Variants in ZMIZ1 observed in about 807,000 individuals in gnomAD.
ZMIZ1 encodes the protein zinc finger MIZ domain-containing protein 1.
A neutral mutation model predicts 113.9 loss-of-function variants in ZMIZ1; 17 were observed. The observed-to-expected ratio is 0.15, with a 90% CI of 0.10 to 0.22. ZMIZ1 has a LOEUF of 0.22. ZMIZ1 is among the 10% of genes least tolerant of loss of function. ZMIZ1 has a pLI of 1.00. For missense variants in ZMIZ1, 1,059 were observed against 1,477.8 expected, an observed-to-expected ratio of 0.72 and a Z score of 4.65; for synonymous variants, 607 against 603.1, an observed-to-expected ratio of 1.01 and a Z score of -0.09.
chr10:79,311,243 C>T (rs1320371171), intron 24 of ZMIZ1, 59 bp downstream of exon 24: 11 of 1,335,714 alleles, frequency 8.2e-6, no homozygotes, highest in Middle Eastern at 2.6e-4. Flanking sequence ...GGGACCTGCC[C>T]GAGAGAAGGG....
Position 79,118,374 on chromosome 10 carries a change from A to T in ZMIZ1, c.-336-541A>T, listed in dbSNP as rs974220468. On this transcript the variant is annotated intron_variant, in intron 1 of 24. Coordinates refer to ENST00000334512, the MANE Select transcript of ZMIZ1 (RefSeq NM_020338.4). This position sits in a 1 kb window ranked among gnomAD's most constrained non-coding sequence, Gnocchi z 4.1. ...CAGAGAGAAACTAGACTTCACTCCC[A>T]ATGTCCAGGAGCTGGGCCTGGAGCG... is the stretch of plus-strand genomic sequence containing the variant. Among the ~76,000 whole-genome samples the T allele has an allele frequency of 6.6e-6, 1 of 152,274 alleles. No individual in the cohort carries two copies. The highest frequency in any genetic ancestry group is 1.9e-4 in the East Asian group (1 of 5,174).
rs148779073 is a variant in ZMIZ1, at chr10:79,222,185, G to GT, written c.280+5921dup. Among the ~76,000 whole-genome samples the GT allele has an allele frequency of 4.6e-3, 685 of 150,038 alleles. 3 individuals are homozygous for GT. Among genetic ancestry groups the GT allele is most frequent in the African/African-American group, 0.014 (577 of 40,984 alleles). ...GACACCTGAGATTGGACCACTCAAT[G>GT]TTTTTTTTTTATGCATACAAGTTGC... On this transcript the variant is annotated intron_variant, in intron 7 of 24. Coordinates refer to ENST00000334512, the MANE Select transcript of ZMIZ1 (RefSeq NM_020338.4).
intron 7 of ZMIZ1, among the ~76,000 whole-genome samples, chr10:79,217,140 C>T (rs1848765150): frequency 6.6e-6 from 1 of 152,222 alleles, no homozygotes; most frequent in Non-Finnish European, 1.5e-5. Context: ...ACATAAAGTG[C>T]AGGCCGGGCG....
chr10:79,114,337 G>C (rs1843895962), intron 1 of ZMIZ1, among the ~76,000 whole-genome samples: 1 of 152,250 alleles, frequency 6.6e-6, no homozygotes, highest in South Asian at 2.1e-4. Context: ...GGTTTAGCGG[G>C]CTAAATGATT....
chr10:79,225,463 C>T (rs886857843), intron 7 of ZMIZ1, among the ~76,000 whole-genome samples: 2 of 152,034 alleles, frequency 1.3e-5, no homozygotes, highest in African/African-American at 4.8e-5. Context: ...GGTGCAGTGG[C>T]TCACCCCTGT....
At chr10:79,157,864 G>A (rs1295308458) in intron 3 of ZMIZ1, among the ~76,000 whole-genome samples, 2 of 152,174 alleles carry the variant, frequency 1.3e-5, no homozygotes, top group African/African-American at 2.4e-5. Context: ...TGTGTGTGGC[G>A]GTGGGGTTCT....
chr10:79,153,994 T>A (rs890927524), intron 3 of ZMIZ1, among the ~76,000 whole-genome samples: 1 of 152,198 alleles, frequency 6.6e-6, no homozygotes, highest in East Asian at 1.9e-4. Context: ...CACTCAGTGC[T>A]CAGTGGTTTG....
intron 7 of ZMIZ1, among the ~76,000 whole-genome samples, chr10:79,226,528 G>T (rs992935627): frequency 6.6e-6 from 1 of 152,254 alleles, no homozygotes; most frequent in Admixed American, 6.5e-5. Context: ...AAAGCCATTG[G>T]CAGCAATTAA....
chr10:79,226,168 C>T (rs1849191179), intron 7 of ZMIZ1, among the ~76,000 whole-genome samples: 1 of 152,150 alleles, frequency 6.6e-6, no homozygotes. Flanking sequence ...CATGTCCAAC[C>T]CTATGACTCC....
At chr10:79,117,375 C>G (rs946976269) in intron 1 of ZMIZ1, among the ~76,000 whole-genome samples, 8 of 142,910 alleles carry the variant, frequency 5.6e-5, no homozygotes, top group Admixed American at 2.0e-4. Flanking sequence ...ATAAATGGAT[C>G]TCATAAGTGT....
At chr10:79,091,781 C>A (rs567874672) in intron 1 of ZMIZ1, among the ~76,000 whole-genome samples, 8 of 152,292 alleles carry the variant, frequency 5.3e-5, no homozygotes, top group African/African-American at 1.9e-4. Flanking sequence ...GGCCAAGTTT[C>A]TAGGGATGGC....
intron 7 of ZMIZ1, among the ~76,000 whole-genome samples, chr10:79,240,638 CTTTTTTTTTTTTTTT>C (rs56903717): frequency 1.8e-5 from 1 of 55,312 alleles, no homozygotes; most frequent in South Asian, 9.3e-4. Flanking sequence ...GAGTATTTAT[CTTTTTTTTTTTTTTT>C]TTTTTTTTTT....
chr10:79,251,351 A>G (rs956283731), intron 7 of ZMIZ1, among the ~76,000 whole-genome samples: 9 of 152,318 alleles, frequency 5.9e-5, no homozygotes, highest in African/African-American at 2.2e-4. Context: ...CCTTGAGCAC[A>G]GTGCTGGGAT....
rs911613182 is a variant in ZMIZ1, at chr10:79,069,449, G to A, written c.-337+179G>A. ...GCTCCGCTCTCCTTGGCGGCCGGGG[G>A]CCGAGGCCCGGCGGCCGGCGAGCTC... On this transcript the variant is annotated intron_variant, in intron 1 of 24. Transcript: ENST00000334512. The surrounding 1 kb of genome is among the most constrained non-coding windows in gnomAD (Gnocchi z 4.6). Among the ~76,000 whole-genome samples, 13 of 151,306 alleles carry A rather than the reference G, an allele frequency of 8.6e-5. No individual in the cohort carries two copies. Among genetic ancestry groups the A allele is most frequent in the African/African-American group, 2.9e-4 (12 of 41,408 alleles).
At chr10:79,302,069 C>T in intron 17 of ZMIZ1, 38 bp from the exon 18 acceptor site, 2 of 1,600,922 alleles carry the variant, frequency 1.2e-6, no homozygotes, top group Non-Finnish European at 1.7e-6. Context: ...GGTGTGGGGA[C>T]AGTGCACAGG....
chr10:79,303,268 G>A (rs1489048852), intron 18 of ZMIZ1, among the ~76,000 whole-genome samples: 4 of 151,822 alleles, frequency 2.6e-5, no homozygotes, highest in African/African-American at 4.8e-5. Context: ...TAGCCTGGCC[G>A]CATAGTGAGA....
At chr10:79,149,457 G>A (rs1323732332) in intron 3 of ZMIZ1, among the ~76,000 whole-genome samples, 2 of 152,162 alleles carry the variant, frequency 1.3e-5, no homozygotes, top group Non-Finnish European at 2.9e-5. Context: ...CCCAACCTGT[G>A]GACAGGTGAG....
At position 79,298,460 on chromosome 10, in the gene ZMIZ1, C is replaced by G. The variant is rs780623852; in HGVS notation, c.1546C>G (p.Pro516Ala). The G allele has an allele frequency of 6.2e-7, 1 of 1,608,000 alleles. No homozygotes were observed. Among genetic ancestry groups the G allele is most frequent in the South Asian group, 1.1e-5 (1 of 90,664 alleles). The change falls in exon 15 of 25, where the codon CCC (proline) becomes GCC (alanine). Residue 516 changes from proline (P) to alanine (A), a missense_variant. Physicochemically the swap from Pro to Ala is conservative, Grantham distance 27. This residue lies in a region of ZMIZ1 where 239 missense variants were observed against 247.5 expected (regional missense o/e 0.97). Transcript: ENST00000334512. The part of the protein sequence containing the change: ...NYPHSPVPGN[P>A]TPPMTPGSSI... ...CCCCCACTCACCTGTTCCAGGGAAC[C>G]CCACACCCCCCATGACCCCTGGGAG...
chr10:79,249,558 C>T (rs151009139), intron 7 of ZMIZ1, among the ~76,000 whole-genome samples: 22 of 152,280 alleles, frequency 1.4e-4, no homozygotes, highest in African/African-American at 4.8e-4. Context: ...TAAGGAGCAG[C>T]GTGGGATTTA....
Sources: allele counts gnomAD v4.1 joint callset (sites outside exome capture counted in the v4.1 genomes callset), GRCh38; gene constraint gnomAD v4.1.1; regional missense constraint gnomAD v4.1.1; non-coding constraint Gnocchi (gnomAD v3.1); transcripts MANE v1.5; gene names NCBI Gene and HGNC (gene_info 2026-07-23, HGNC 2026-07-21).